REEP1: variants seen among roughly 807,000 people sequenced by gnomAD.
REEP1 encodes receptor accessory protein 1.
In REEP1, 22 loss-of-function variants were observed where a neutral mutation model predicts 40.3. The observed-to-expected ratio is 0.55, with a 90% CI of 0.39 to 0.78. The LOEUF (loss-of-function observed/expected upper bound fraction) is 0.78, where lower values mean the gene tolerates loss of function less well. Among genes scored for constraint, REEP1 ranks in the 30% least tolerant of loss-of-function variants. The pLI is 0.00. For synonymous variants in REEP1, 116 were observed against 139.2 expected (o/e 0.83, Z 1.17); for missense variants, 280 against 361.1 (o/e 0.78, Z 1.82).
At chr2:86,331,765 A>G (rs186158846) in intron 1 of REEP1, among the ~76,000 whole-genome samples, 39 of 152,276 alleles carry the variant, frequency 2.6e-4, no homozygotes, top group African/African-American at 8.2e-4. Context: ...AAATCTGACA[A>G]TGGGGCAGAC....
intron 8 of REEP1, among the ~76,000 whole-genome samples, chr2:86,218,416 G>T (rs890678299): frequency 6.6e-6 from 1 of 152,184 alleles, no homozygotes; most frequent in African/African-American, 2.4e-5. Context: ...GGAAGTGAAT[G>T]AGCCAGAAAA....
chr2:86,317,839 T>A (rs75194433), intron 1 of REEP1, among the ~76,000 whole-genome samples: 1 of 152,214 alleles, frequency 6.6e-6, no homozygotes. Flanking sequence ...GGAAAAGCAC[T>A]TGTGTCACTG....
chr2:86,296,739 C>A (rs1034357607), intron 1 of REEP1, among the ~76,000 whole-genome samples: 1 of 152,120 alleles, frequency 6.6e-6, no homozygotes, highest in Non-Finnish European at 1.5e-5. Context: ...CACCTGTAAT[C>A]CCAGCTACTC....
At chr2:86,284,745 G>C (rs13024964) in intron 1 of REEP1, among the ~76,000 whole-genome samples, 4 of 151,976 alleles carry the variant, frequency 2.6e-5, no homozygotes, top group Non-Finnish European at 5.9e-5. Flanking sequence ...TGGGATCCCC[G>C]TGAACCCGTG....
intron 8 of REEP1, 134 bp from the exon 9 acceptor site, chr2:86,217,244 C>G: frequency 8.1e-6 from 6 of 744,102 alleles, no homozygotes. Context: ...CTGGGGTCTC[C>G]CTGAATCTCC....
chr2:86,304,688 C>T lies in REEP1; in HGVS notation c.33-22446G>A, dbSNP rs72844636. Among the ~76,000 whole-genome samples, 1,233 of 152,316 alleles carry T rather than the reference C, an allele frequency of 8.1e-3. 14 individuals carry two copies. Among genetic ancestry groups the T allele is most frequent in the Non-Finnish European group, 0.013 (911 of 68,020 alleles). ...ACACAACCTGTTTGGCATAGCTATG[C>T]TGCCCAATCCCTCTGTTATAAAGAC... On this transcript the variant is annotated intron_variant, in intron 1 of 8. Transcript: ENST00000538924.
chr2:86,336,263 G>T (rs563562375), intron 1 of REEP1, among the ~76,000 whole-genome samples: 5 of 152,298 alleles, frequency 3.3e-5, no homozygotes, highest in African/African-American at 7.2e-5. Flanking sequence ...AGGCCTTCAC[G>T]GAATGACTTG....
rs572090558 is a variant in REEP1 at position 86,227,441 on chromosome 2, T to G, written c.596-43A>C. 5 of 1,231,584 alleles carry G rather than the reference T, an allele frequency of 4.1e-6. No individual in the cohort carries two copies. In the South Asian group the frequency reaches 2.1e-4, roughly 51 times the overall value. 76.3% of individuals were successfully genotyped at this position (1,231,584 alleles called of 1,614,324 possible). A position where few individuals can be genotyped will look rare whatever the true frequency, so the allele number is the denominator to read the frequency against. ...GGGCACCATCAGTGACATCCCCCAC[T>G]GGACAGGAACCAGCCCCGGGCAAAC... On this transcript the variant is annotated intron_variant, in intron 6 of 8. Coordinates refer to ENST00000538924, the MANE Select transcript of REEP1 (RefSeq NM_001371279.1).
chr2:86,325,030 T>C (rs1395179792), intron 1 of REEP1, among the ~76,000 whole-genome samples: 3 of 152,202 alleles, frequency 2.0e-5, no homozygotes, highest in Admixed American at 1.3e-4. Flanking sequence ...AATAGTCTTT[T>C]CTATTGCCTC....
chr2:86,233,360 C>T lies in REEP1; in HGVS notation c.418-558G>A, dbSNP rs906005014. ...GTATAGCATATTACTGTCTACGAGGCACATTTACTTCTGCTGGTGCATTTC... is the reference window on the plus strand; with the variant it reads ...GTATAGCATATTACTGTCTACGAGGTACATTTACTTCTGCTGGTGCATTTC... On this transcript the variant is annotated intron_variant, in intron 5 of 8. Transcript: ENST00000538924. Among the ~76,000 whole-genome samples, 136 of 152,240 alleles carry T rather than the reference C, an allele frequency of 8.9e-4. 1 individual carries two copies. Among genetic ancestry groups the T allele is most frequent in the African/African-American group, 3.0e-3 (125 of 41,518 alleles).
rs1033414400 is a variant in REEP1, at chr2:86,215,284, C to G, written c.*1755G>C. On this transcript the variant is annotated 3_prime_UTR_variant, in exon 9 of 9. Transcript: ENST00000538924. ...TTTTCCTATACCCTTTTGCAAATTA[C>G]AAAATCACCTTCAGAGGAACTATGG... 6.6e-6 allele frequency: 1 copy of G among 152,120 alleles called. No homozygotes were observed. Among genetic ancestry groups the G allele is most frequent in the African/African-American group, 2.4e-5 (1 of 41,426 alleles). The allele number at this position is 152,120 out of a possible 1,614,324, so 9.4% of individuals were successfully genotyped here. A position where few individuals can be genotyped will look rare whatever the true frequency, so the allele number is the denominator to read the frequency against.
chr2:86,254,875 G>C (rs553061642), intron 3 of REEP1, 61 bp from the exon 4 acceptor site: 3 of 1,593,968 alleles, frequency 1.9e-6, no homozygotes, highest in African/African-American at 2.7e-5. Flanking sequence ...CCCTTTTGAA[G>C]GATGAGACCC....
At chr2:86,228,418 C>T (rs1674834512) in intron 6 of REEP1, among the ~76,000 whole-genome samples, 1 of 151,270 alleles carries the variant, frequency 6.6e-6, no homozygotes, top group African/African-American at 2.4e-5. Flanking sequence ...TCTTGGCTCA[C>T]AGCAAATGGT....
Position 86,227,398 on chromosome 2 carries a change from A to G in REEP1, c.596T>C (p.Val199Ala). 12 of 1,232,376 alleles carry G rather than the reference A, an allele frequency of 9.7e-6. No individual in the cohort carries two copies. The highest frequency in any genetic ancestry group is 1.2e-5 in the Non-Finnish European group (12 of 988,164). 76.3% of individuals were successfully genotyped at this position (1,232,376 alleles called of 1,614,324 possible). A position where few individuals can be genotyped will look rare whatever the true frequency, so the allele number is the denominator to read the frequency against. ...CCTGCAGGTGGAGCAGCAGGTACAC[A>G]CTGTGGGAATGGGGTAGGGGCACCA... ...RSASESASSS[V>A]CTCCSTCRTW... Residue 199 changes from valine to alanine, a missense_variant and splice_region_variant, in exon 7 of 9, where the codon GTG (valine) becomes GCG (alanine). Transcript: ENST00000538924.
chr2:86,308,339 G>A (rs1182089426), intron 1 of REEP1, among the ~76,000 whole-genome samples: 1 of 152,118 alleles, frequency 6.6e-6, no homozygotes, highest in African/African-American at 2.4e-5. Flanking sequence ...TTAAAAGGTT[G>A]ATGCCCAGAC....
At position 86,215,028 on chromosome 2, in the gene REEP1, T is replaced by G. The variant is rs1674029008; in HGVS notation, c.*2011A>C. 1.3e-5 allele frequency: 2 copies of G among 148,448 alleles called. No individual in the cohort carries two copies. Among genetic ancestry groups the G allele is most frequent in the Admixed American group, 1.3e-4 (2 of 14,932 alleles). The allele number at this position is 148,448 out of a possible 1,614,324, so 9.2% of individuals were successfully genotyped here. ...TTGCTAAGAAGCTGTGTAAGCTTTT[T>G]TTTTTTTTTTTTTTTTTTGCATTCG... On this transcript the variant is annotated 3_prime_UTR_variant, in exon 9 of 9. Coordinates refer to ENST00000538924, the MANE Select transcript of REEP1 (RefSeq NM_001371279.1).
intron 1 of REEP1, among the ~76,000 whole-genome samples, chr2:86,282,716 T>C (rs1002812930): frequency 1.1e-4 from 16 of 152,148 alleles, no homozygotes; most frequent in Non-Finnish European, 1.8e-4. Context: ...ATATTGTAAA[T>C]CCAATCAGGC....
chr2:86,219,984 C>A lies in REEP1; in HGVS notation c.769G>T (p.Glu257Ter). 1.6e-6 allele frequency: 2 copies of A among 1,232,212 alleles called. No individual in the cohort carries two copies. Among genetic ancestry groups the A allele is most frequent in the Non-Finnish European group, 2.0e-6 (2 of 988,022 alleles). 76.3% of individuals were successfully genotyped at this position (1,232,212 alleles called of 1,614,324 possible). A position where few individuals can be genotyped will look rare whatever the true frequency, so the allele number is the denominator to read the frequency against. The change falls in exon 8 of 9, where the codon GAA (glutamate) becomes TAA (stop). Residue 257 changes from glutamate to a stop codon, truncating the protein, a stop_gained. Coordinates refer to ENST00000538924, the MANE Select transcript of REEP1 (RefSeq NM_001371279.1). LOFTEE classifies it high-confidence loss of function. ...ACACTGTGTACCTCCAGGGGCAATTCCATCCTTCGAGGTGCTTTATACTTG... is the reference window on the plus strand; with the variant it reads ...ACACTGTGTACCTCCAGGGGCAATTACATCCTTCGAGGTGCTTTATACTTG... Reference protein sequence around the residue: ...MYKYKAPRRMELPLEAPPRIL... With the variant: ...MYKYKAPRRM
At chr2:86,278,899 A>C (rs1677909460) in intron 2 of REEP1, among the ~76,000 whole-genome samples, 1 of 152,216 alleles carries the variant, frequency 6.6e-6, no homozygotes, top group Non-Finnish European at 1.5e-5. Context: ...TTTCTGTTTA[A>C]GTTTTCATCC....
Sources: gnomAD v4.1 joint callset for allele counts (sites outside exome capture counted in the v4.1 genomes callset) on GRCh38, gnomAD v4.1.1 for gene constraint, MANE v1.5 for transcripts, NCBI Gene and HGNC (gene_info 2026-07-23, HGNC 2026-07-21) for gene names.